The following EPHA5 variants were observed in gnomAD, a reference collection of about 807,000 sequenced individuals.
EPHA5 encodes ephrin type-A receptor 5.
In EPHA5, 60 loss-of-function variants were observed where a neutral mutation model predicts 105.0. The ratio of observed to expected loss-of-function variants is 0.57; its 90% CI spans 0.46 to 0.71. EPHA5 has a LOEUF of 0.71. Among genes scored for constraint, EPHA5 ranks in the 30% least tolerant of loss-of-function variants. EPHA5 has a pLI of 0.00. For synonymous variants in EPHA5, 513 were observed against 449.1 expected (o/e 1.14, Z -1.80); for missense variants, 1,218 against 1,274.7 (o/e 0.96, Z 0.68).
intron 3 of EPHA5, among the ~76,000 whole-genome samples, chr4:65,508,216 C>T (rs764385491): frequency 6.6e-6 from 1 of 151,966 alleles, no homozygotes; most frequent in Non-Finnish European, 1.5e-5. Flanking sequence ...GCTTAATGGC[C>T]TGTGTATTTG....
rs753453173 is a variant in EPHA5, at chr4:65,404,391, G to A, written c.1776C>T (p.Gly592=). 2.3e-5 allele frequency: 37 copies of A among 1,613,336 alleles called. No homozygotes were observed. Among genetic ancestry groups the A allele is most frequent in the East Asian group, 4.5e-5 (2 of 44,810 alleles). ...TCTCTTACCTTCCACTGAGGAGGAC[G>A]CCGATAACCACTGCCAACAAAATGA... The part of the protein sequence containing the change: ...VGVILLAVVI[G]VLLSGRRCGY... The change falls in exon 8 of 17, where the codon GGC becomes GGT. Residue 592 remains glycine, a synonymous_variant. Coordinates refer to ENST00000613740, the MANE Select transcript of EPHA5 (RefSeq NM_001281766.3).
At chr4:65,428,447 A>G (rs965336370) in intron 5 of EPHA5, among the ~76,000 whole-genome samples, 4 of 152,090 alleles carry the variant, frequency 2.6e-5, no homozygotes, top group African/African-American at 4.8e-5. Flanking sequence ...GAAAGAAGGT[A>G]TTTTAAAGGT....
intron 15 of EPHA5, among the ~76,000 whole-genome samples, chr4:65,333,539 C>CTGTGTGTGTG (rs56925203): frequency 1.8e-5 from 2 of 111,838 alleles, no homozygotes; most frequent in African/African-American, 8.3e-5. Flanking sequence ...GAGTGTGTGT[C>CTGTGTGTGTG]TGTGTGTGTG....
chr4:65,435,969 T>A (rs1276751795), intron 5 of EPHA5, among the ~76,000 whole-genome samples: 1 of 152,100 alleles, frequency 6.6e-6, no homozygotes, highest in East Asian at 1.9e-4. Context: ...TAAGCATTTA[T>A]TATAATGTTA....
chr4:65,592,397 T>C (rs1040467758), intron 3 of EPHA5, among the ~76,000 whole-genome samples: 3 of 152,060 alleles, frequency 2.0e-5, no homozygotes, highest in Admixed American at 6.6e-5. Context: ...TGAATTTTAA[T>C]GCCCCAGAAT....
chr4:65,331,373 CTT>C, intron 16 of EPHA5: 1 of 1,041,420 alleles, frequency 9.6e-7, no homozygotes, highest in Non-Finnish European at 1.2e-6. Context: ...TAAATTTTAT[CTT>C]AAACGTGCAA....
intron 3 of EPHA5, among the ~76,000 whole-genome samples, chr4:65,584,611 T>A (rs942835709): frequency 2.0e-5 from 3 of 151,928 alleles, no homozygotes; most frequent in Non-Finnish European, 2.9e-5. Flanking sequence ...TAGAAAAGTG[T>A]CTCTAATACC....
intron 3 of EPHA5, among the ~76,000 whole-genome samples, chr4:65,577,274 T>C (rs186419222): frequency 2.8e-4 from 42 of 152,298 alleles, no homozygotes; most frequent in Non-Finnish European, 4.9e-4. Context: ...AAAGCTGTTT[T>C]TAAAATGTCT....
chr4:65,556,925 T>C (rs1252354754), intron 3 of EPHA5, among the ~76,000 whole-genome samples: 7 of 152,014 alleles, frequency 4.6e-5, no homozygotes, highest in Non-Finnish European at 7.4e-5. Flanking sequence ...TCACGGAATG[T>C]TGCAAACTCA....
intron 8 of EPHA5, among the ~76,000 whole-genome samples, chr4:65,393,778 C>T (rs886116812): frequency 4.6e-5 from 7 of 152,084 alleles, no homozygotes; most frequent in Admixed American, 6.6e-5. Flanking sequence ...CTAAATTATG[C>T]CTTCTATCAT....
intron 8 of EPHA5, among the ~76,000 whole-genome samples, chr4:65,391,548 T>C (rs1720718018): frequency 6.6e-6 from 1 of 152,138 alleles, no homozygotes; most frequent in African/African-American, 2.4e-5. Context: ...CTCTGTTGAA[T>C]AGATGTTCTA....
intron 8 of EPHA5, among the ~76,000 whole-genome samples, chr4:65,387,883 T>C (rs1720269912): frequency 6.6e-6 from 1 of 151,090 alleles, no homozygotes; most frequent in Non-Finnish European, 1.5e-5. Context: ...TAGTTACATA[T>C]GTATACATGA....
intron 3 of EPHA5, among the ~76,000 whole-genome samples, chr4:65,525,222 A>G (rs1382369511): frequency 6.6e-6 from 1 of 151,662 alleles, no homozygotes; most frequent in Non-Finnish European, 1.5e-5. Flanking sequence ...AAGGAGTGGC[A>G]TTTGGCAGGA....
intron 3 of EPHA5, among the ~76,000 whole-genome samples, chr4:65,549,253 C>A (rs1446890233): frequency 1.3e-5 from 2 of 151,998 alleles, no homozygotes; most frequent in African/African-American, 4.8e-5. Flanking sequence ...AAATAACTGG[C>A]AACACAGAGC....
At chr4:65,532,607 C>CT (rs5858964) in intron 3 of EPHA5, among the ~76,000 whole-genome samples, 121,178 of 135,716 alleles carry the variant, frequency 0.89, 54,087 homozygotes, top group Admixed American at 0.91. Context: ...TCCAATAGCT[C>CT]TTTTTTTTTT....
At chr4:65,491,231 T>G (rs1188764776) in intron 4 of EPHA5, among the ~76,000 whole-genome samples, 1 of 151,084 alleles carries the variant, frequency 6.6e-6, no homozygotes, top group East Asian at 1.9e-4. Flanking sequence ...CATATCTAGT[T>G]GCTAAATCAC....
intron 1 of EPHA5, among the ~76,000 whole-genome samples, chr4:65,648,063 G>T (rs1578682753): frequency 6.6e-6 from 1 of 152,050 alleles, no homozygotes; most frequent in Non-Finnish European, 1.5e-5. Flanking sequence ...ACAGAGAAAA[G>T]CTTTTAGAAA....
chr4:65,591,763 T>G (rs1742685392), intron 3 of EPHA5, among the ~76,000 whole-genome samples: 1 of 152,108 alleles, frequency 6.6e-6, no homozygotes, highest in African/African-American at 2.4e-5. Flanking sequence ...CTTCTGTTCA[T>G]TACAATGTTA....
intron 3 of EPHA5, among the ~76,000 whole-genome samples, chr4:65,549,688 C>G (rs780728629): frequency 1.3e-5 from 2 of 152,054 alleles, no homozygotes; most frequent in Non-Finnish European, 2.9e-5. Flanking sequence ...AATTAAAATT[C>G]TTACTTCAAA....
Sources: allele counts gnomAD v4.1 joint callset (sites outside exome capture counted in the v4.1 genomes callset), GRCh38; gene constraint gnomAD v4.1.1; transcripts MANE v1.5; gene names NCBI Gene and HGNC (gene_info 2026-07-23, HGNC 2026-07-21).